The following CNNM1 variants were observed in gnomAD, a reference collection of about 807,000 sequenced individuals.
CNNM1 encodes cyclin and CBS domain divalent metal cation transport mediator 1, also known as metal transporter CNNM1.
CNNM1 carries 44 observed loss-of-function variants against 78.8 expected under a neutral mutation model. The ratio of observed to expected loss-of-function variants is 0.56; its 90% CI spans 0.44 to 0.72. CNNM1 has a LOEUF of 0.72. Among genes scored for constraint, CNNM1 ranks in the 30% least tolerant of loss-of-function variants. The pLI is 0.00. For synonymous variants in CNNM1, 584 were observed against 581.5 expected (o/e 1.00, Z -0.06); for missense variants, 1,101 against 1,292.2 (o/e 0.85, Z 2.27).
At chr10:99,356,578 A>AAG (rs1564947233) in intron 1 of CNNM1, among the ~76,000 whole-genome samples, 4 of 126,042 alleles carry the variant, frequency 3.2e-5, no homozygotes, top group Non-Finnish European at 1.7e-5. Context: ...GAAAGAAAGA[A>AAG]AGAAAGAAAG....
rs11190068 is a variant in CNNM1, at chr10:99,356,510, G to A, written c.1574-1002G>A. On this transcript the variant is annotated intron_variant, in intron 1 of 10. Coordinates refer to ENST00000356713, the MANE Select transcript of CNNM1 (RefSeq NM_020348.3). ...AAAGAGAGAGAGAGAGAGAGAGAGA[G>A]AAAGAGAAAGAGAGAAAGAAAGAAA... Among the ~76,000 whole-genome samples the A allele has an allele frequency of 9.8e-4, 119 of 121,346 alleles. 1 individual carries two copies. Among genetic ancestry groups the A allele is most frequent in the East Asian group, 5.6e-3 (23 of 4,098 alleles). 79.6% of individuals were successfully genotyped at this position (121,346 alleles called of 152,430 possible). A position where few individuals can be genotyped will look rare whatever the true frequency, so the allele number is the denominator to read the frequency against.
chr10:99,357,752 C>T (rs1272637382), intron 2 of CNNM1, 97 bp downstream of exon 2: 19 of 1,268,968 alleles, frequency 1.5e-5, no homozygotes, highest in Non-Finnish European at 2.0e-5. Context: ...GGTGTCAGGG[C>T]AAACCCTGTG....
intron 7 of CNNM1, among the ~76,000 whole-genome samples, chr10:99,387,197 G>C (rs1399689646): frequency 6.6e-6 from 1 of 152,204 alleles, no homozygotes; most frequent in Non-Finnish European, 1.5e-5. Context: ...GCTGCAGCCT[G>C]ACCCTCCGGA....
At chr10:99,387,696 C>A in intron 7 of CNNM1, 124 bp from the exon 8 acceptor site, 1 of 945,070 alleles carries the variant, frequency 1.1e-6, no homozygotes, top group Non-Finnish European at 1.5e-6. Flanking sequence ...ATTCGTGGAT[C>A]TCAGGCCTCA....
In CNNM1 at chr10:99,340,642, C is replaced by A. The variant is rs994937028; in HGVS notation, c.1573+9682C>A. ...ACCTTCAATAACAGCTCTAAATTCTCTTTTTATTTGCTACTGTTATATTCC... is the reference window on the plus strand; with the variant it reads ...ACCTTCAATAACAGCTCTAAATTCTATTTTTATTTGCTACTGTTATATTCC... On this transcript the variant is annotated intron_variant, in intron 1 of 10. Coordinates refer to ENST00000356713, the MANE Select transcript of CNNM1 (RefSeq NM_020348.3). Among the ~76,000 whole-genome samples the A allele has an allele frequency of 3.9e-5, 6 of 152,196 alleles. No homozygotes were observed. The East Asian group carries it at 1.2e-3, about 29-fold the overall frequency.
chr10:99,346,258 A>G (rs1017249220), intron 1 of CNNM1, among the ~76,000 whole-genome samples: 8 of 152,170 alleles, frequency 5.3e-5, no homozygotes, highest in Non-Finnish European at 7.3e-5. Context: ...AATGGTTAGG[A>G]TATTGGTGCA....
chr10:99,336,740 G>T (rs2030205525), intron 1 of CNNM1, among the ~76,000 whole-genome samples: 4 of 152,200 alleles, frequency 2.6e-5, no homozygotes, highest in Admixed American at 2.6e-4. Context: ...GCCGAGACAG[G>T]TGGATCATTT....
In CNNM1 at chr10:99,356,604, G is replaced by GAAAGAAAGAAAT. The variant is rs1469805680; in HGVS notation, c.1574-905_1574-904insGAAAGAAATAAA. Among the ~76,000 whole-genome samples, 9 of 64,758 alleles carry GAAAGAAAGAAAT rather than the reference G, an allele frequency of 1.4e-4. 1 individual carries two copies. The East Asian group carries it at 4.9e-3, about 35-fold the overall frequency. The allele number at this position is 64,758 out of a possible 152,430, so 42.5% of individuals were successfully genotyped here. On this transcript the variant is annotated intron_variant, in intron 1 of 10. Coordinates refer to ENST00000356713, the MANE Select transcript of CNNM1 (RefSeq NM_020348.3). ...AGAAAGAAAGAAAGAAAGAAAGAAA[G>GAAAGAAAGAAAT]AAAAGAAAGAAAGAAAGAAAAGAAA...
chr10:99,356,491 AGAGAGAG>A (rs1468327886), intron 1 of CNNM1, among the ~76,000 whole-genome samples: 5 of 8,658 alleles, frequency 5.8e-4, no homozygotes, highest in Non-Finnish European at 2.1e-3. Context: ...AAAGAAAGAG[AGAGAGAG>A]AGAGAGAGAG....
chr10:99,377,677 T>C (rs1389063398), intron 7 of CNNM1, among the ~76,000 whole-genome samples: 1 of 152,206 alleles, frequency 6.6e-6, no homozygotes, highest in African/African-American at 2.4e-5. Context: ...GAAGAAACCA[T>C]GCTATACTTT....
chr10:99,377,179 C>T lies in CNNM1; in HGVS notation c.2301C>T (p.Asp767=), dbSNP rs1022779006. ...GCAGCAACAACCTCTACATGCCTGA[C>T]TACTCAGTCCACATCCTCAGCGATG... ...YSSSNNLYMP[D]YSVHILSDVQ... is the part of the protein sequence containing the mutation. Residue 767 remains aspartate (D), a synonymous_variant, in exon 7 of 11, where the codon GAC becomes GAT. Coordinates refer to ENST00000356713, the MANE Select transcript of CNNM1 (RefSeq NM_020348.3). The T allele has an allele frequency of 3.1e-6, 5 of 1,613,792 alleles. No individual in the cohort carries two copies. Among genetic ancestry groups the T allele is most frequent in the Admixed American group, 3.3e-5 (2 of 60,020 alleles).
chr10:99,339,569 C>A (rs1466853062), intron 1 of CNNM1, among the ~76,000 whole-genome samples: 1 of 152,204 alleles, frequency 6.6e-6, no homozygotes, highest in Non-Finnish European at 1.5e-5. Flanking sequence ...TGCAAGGAAT[C>A]TAGGTTGCGT....
At chr10:99,359,766 C>T (rs752138407) in intron 2 of CNNM1, among the ~76,000 whole-genome samples, 2 of 152,088 alleles carry the variant, frequency 1.3e-5, no homozygotes, top group African/African-American at 4.8e-5. Flanking sequence ...CAGACGTTCC[C>T]CCACAGCCCT....
At chr10:99,344,408 T>G (rs2030595149) in intron 1 of CNNM1, among the ~76,000 whole-genome samples, 1 of 151,982 alleles carries the variant, frequency 6.6e-6, no homozygotes, top group Admixed American at 6.6e-5. Flanking sequence ...TGAAGACAAT[T>G]CCAGTATAGC....
chr10:99,346,690 T>G (rs565162595), intron 1 of CNNM1, among the ~76,000 whole-genome samples: 18 of 152,344 alleles, frequency 1.2e-4, no homozygotes, highest in Admixed American at 3.9e-4. Flanking sequence ...CTACTCTTTT[T>G]GCCAAACACA....
At chr10:99,340,302 T>G (rs2134018716) in intron 1 of CNNM1, among the ~76,000 whole-genome samples, 1 of 152,320 alleles carries the variant, frequency 6.6e-6, no homozygotes, top group South Asian at 2.1e-4. Flanking sequence ...GAGAATCTCA[T>G]TCACACTTTT....
rs1314213801 is a variant in CNNM1 at position 99,360,889 on chromosome 10, TCTC to T, written c.1775_1777del (p.Ser592del). The T allele has an allele frequency of 4.3e-6, 7 of 1,612,862 alleles. No homozygotes were observed. The highest frequency in any genetic ancestry group is 2.7e-5 in the African/African-American group (2 of 74,896). The stretch of plus-strand genomic sequence containing the variant: ...CAACGGGAGCGGAAGCGGCATGACT[TCTC>T]CTTGTTTAAGCTTTCGGACACGGAG... On this transcript the variant is annotated inframe_deletion, in exon 3 of 11. Transcript: ENST00000356713.
Position 99,357,513 on chromosome 10 carries a change from A to C in CNNM1, c.1575A>C (p.Gly525=). Reference sequence around the variant, plus strand: ...ACTGTGATTTCATTTGTTCTCTAGGAAAATCTCACCTGGCCATTGTCCAGC... The same window carrying C: ...ACTGTGATTTCATTTGTTCTCTAGGCAAATCTCACCTGGCCATTGTCCAGC... ...LDTVLEEFKK[G]KSHLAIVQRV... is the part of the protein sequence containing the mutation. The change falls in exon 2 of 11, where the codon GGA becomes GGC. Residue 525 remains glycine, a splice_region_variant and synonymous_variant. Coordinates refer to ENST00000356713, the MANE Select transcript of CNNM1 (RefSeq NM_020348.3). 6.2e-7 allele frequency: 1 copy of C among 1,609,990 alleles called. No homozygotes were observed. The highest frequency in any genetic ancestry group is 8.5e-7 in the Non-Finnish European group (1 of 1,178,786).
intron 1 of CNNM1, among the ~76,000 whole-genome samples, chr10:99,333,385 C>T (rs937992669): frequency 1.3e-5 from 2 of 152,188 alleles, no homozygotes; most frequent in Admixed American, 1.3e-4. Flanking sequence ...CACTCTGTCG[C>T]CCAGGCTGGA....
Sources: allele counts gnomAD v4.1 joint callset (sites outside exome capture counted in the v4.1 genomes callset), GRCh38; gene constraint gnomAD v4.1.1; transcripts MANE v1.5; gene names NCBI Gene and HGNC (gene_info 2026-07-23, HGNC 2026-07-21).